The following NFIA variants were observed in gnomAD, a reference collection of about 807,000 sequenced individuals.
NFIA encodes the protein nuclear factor 1 A-type.
Under a neutral mutation model 62.8 loss-of-function variants are expected in NFIA, and 8 were observed. That is an observed-to-expected ratio of 0.13 (90% CI 0.07 to 0.23). The LOEUF is 0.23. NFIA is among the 10% of genes least tolerant of loss of function. The pLI is 1.00. For synonymous variants in NFIA, 235 were observed against 238.1 expected, an observed-to-expected ratio of 0.99 and a Z score of 0.12; for missense variants, 410 against 642.1, an observed-to-expected ratio of 0.64 and a Z score of 3.91.
chr1:61,403,495 A>G (rs1218120425), intron 7 of NFIA, among the ~76,000 whole-genome samples: 2 of 152,212 alleles, frequency 1.3e-5, no homozygotes, highest in African/African-American at 2.4e-5. Flanking sequence ...CTGCTGTAAC[A>G]TATGTGCATT....
At chr1:61,123,006 A>G (rs1570205216) in intron 2 of NFIA, among the ~76,000 whole-genome samples, 1 of 152,210 alleles carries the variant, frequency 6.6e-6, no homozygotes, top group Non-Finnish European at 1.5e-5. Flanking sequence ...GGATTCTTCT[A>G]GAGAGATTCC....
chr1:61,119,875 C>G (rs1469774787), intron 2 of NFIA, among the ~76,000 whole-genome samples: 3 of 152,134 alleles, frequency 2.0e-5, no homozygotes, highest in African/African-American at 7.2e-5. Flanking sequence ...ACAGCCTTGC[C>G]TCTGTATGCC....
intron 2 of NFIA, among the ~76,000 whole-genome samples, chr1:61,159,381 C>A (rs1421071283): frequency 6.6e-6 from 1 of 152,092 alleles, no homozygotes; most frequent in Admixed American, 6.5e-5. Flanking sequence ...TTTCAAACTT[C>A]AATGTGCATA....
intron 3 of NFIA, among the ~76,000 whole-genome samples, chr1:61,315,161 G>A (rs943865612): frequency 6.6e-6 from 1 of 152,200 alleles, no homozygotes; most frequent in African/African-American, 2.4e-5. Context: ...AGAGCAGAAT[G>A]CTATTGGCTT....
At chr1:61,256,045 T>C (rs1174405430) in intron 2 of NFIA, among the ~76,000 whole-genome samples, 3 of 152,146 alleles carry the variant, frequency 2.0e-5, no homozygotes, top group Admixed American at 1.3e-4. Context: ...CTCGACCACA[T>C]TGGAAGAAGA....
intron 2 of NFIA, among the ~76,000 whole-genome samples, chr1:61,258,413 T>C (rs1280492098): frequency 6.6e-6 from 1 of 152,208 alleles, no homozygotes. Context: ...AAGGACTTTT[T>C]CATATTGTAT....
chr1:61,404,042 G>A (rs750484163), intron 7 of NFIA, 62 bp from the exon 8 acceptor site: 43 of 1,550,192 alleles, frequency 2.8e-5, no homozygotes, highest in Middle Eastern at 3.6e-4. Context: ...AAGTTGAATC[G>A]GGTTCAGCTA....
chr1:61,304,233 G>A (rs140060027), intron 3 of NFIA, among the ~76,000 whole-genome samples: 3 of 151,664 alleles, frequency 2.0e-5, no homozygotes, highest in African/African-American at 7.3e-5. Flanking sequence ...CCAAGATCAC[G>A]CCACTGCACT....
intron 2 of NFIA, among the ~76,000 whole-genome samples, chr1:61,266,050 T>G (rs1270149094): frequency 6.6e-6 from 1 of 152,236 alleles, no homozygotes; most frequent in African/African-American, 2.4e-5. Flanking sequence ...ACAGCTCAAT[T>G]GCTAGTGATG....
intron 2 of NFIA, among the ~76,000 whole-genome samples, chr1:61,252,282 A>G (rs780613744): frequency 1.3e-4 from 20 of 152,212 alleles, no homozygotes; most frequent in Non-Finnish European, 2.6e-4. Context: ...ACAGTTACCT[A>G]CTACCACATC....
rs770155557 is a variant in NFIA at position 61,383,315 on chromosome 1, T to G, written c.1025T>G (p.Leu342Arg). Residue 342 changes from leucine to arginine, a missense_variant, in exon 7 of 11, where the codon CTG becomes CGG. Leu to Arg is a moderately radical substitution (Grantham distance 102). Around this residue, in one of 3 missense-constraint regions of NFIA, gnomAD observed 298 missense variants for 438.1 expected, o/e 0.68. Coordinates refer to ENST00000403491, the MANE Select transcript of NFIA (RefSeq NM_001134673.4). ...SSPSPSQTSS[L>R]GTAFTQHHRP... ...CCCTCCCCTTCACAGACCTCCTCCC[T>G]GGGAACGGCGTTCACACAGCATCAC... is the stretch of plus-strand genomic sequence containing the variant. 6.2e-7 allele frequency: 1 copy of G among 1,613,962 alleles called. No homozygotes were observed. The highest frequency in any genetic ancestry group is 8.5e-7 in the Non-Finnish European group (1 of 1,179,894).
intron 2 of NFIA, among the ~76,000 whole-genome samples, chr1:61,204,835 A>G (rs1652789183): frequency 6.6e-6 from 1 of 152,106 alleles, no homozygotes; most frequent in South Asian, 2.1e-4. Context: ...TTTCTGACAT[A>G]TGCTGAGTGA....
intron 2 of NFIA, among the ~76,000 whole-genome samples, chr1:61,265,066 A>G (rs1406766014): frequency 6.6e-6 from 1 of 152,200 alleles, no homozygotes; most frequent in Non-Finnish European, 1.5e-5. Flanking sequence ...GGATGTTTGC[A>G]GTTTTCCCAT....
intron 3 of NFIA, among the ~76,000 whole-genome samples, chr1:61,310,014 A>G (rs1660013572): frequency 6.6e-6 from 1 of 152,260 alleles, no homozygotes; most frequent in Non-Finnish European, 1.5e-5. Context: ...GTCTGTTTTT[A>G]AAGCCATTTG....
At chr1:61,206,518 C>T (rs551896823) in intron 2 of NFIA, among the ~76,000 whole-genome samples, 13 of 152,288 alleles carry the variant, frequency 8.5e-5, no homozygotes, top group Admixed American at 2.0e-4. Flanking sequence ...AGCATTTTAT[C>T]TCTTTTGGAT....
chr1:61,126,318 C>T (rs1468768579), intron 2 of NFIA, among the ~76,000 whole-genome samples: 3 of 152,072 alleles, frequency 2.0e-5, no homozygotes, highest in Admixed American at 6.5e-5. Context: ...GGTCCTGATT[C>T]GGCCTCAGGA....
chr1:61,217,493 C>T (rs145025643), intron 2 of NFIA, among the ~76,000 whole-genome samples: 157 of 152,148 alleles, frequency 1.0e-3, no homozygotes, highest in African/African-American at 3.7e-3. Flanking sequence ...CTTTTTTCTC[C>T]TTAGCATTCC....
chr1:61,325,092 A>G (rs1283451348), intron 3 of NFIA, among the ~76,000 whole-genome samples: 1 of 152,226 alleles, frequency 6.6e-6, no homozygotes, highest in Non-Finnish European at 1.5e-5. Context: ...TTTTTATCTG[A>G]GACATACTTA....
Position 61,415,287 on chromosome 1 carries a change from T to A in NFIA, c.1420+8560T>A, listed in dbSNP as rs532018379. 2.6e-3 allele frequency among the ~76,000 whole-genome samples: 398 copies of A among 152,074 alleles called. 3 individuals are homozygous for A. The highest frequency in any genetic ancestry group is 0.01 in the Middle Eastern group (3 of 294). ...ATAGCACAAGAAAATACAGGGCAAA[T>A]TTTTATACTATTGGAGTAAAGAAGG... On this transcript the variant is annotated intron_variant, in intron 9 of 10. Coordinates refer to ENST00000403491, the MANE Select transcript of NFIA (RefSeq NM_001134673.4).
Sources: allele counts gnomAD v4.1 joint callset (sites outside exome capture counted in the v4.1 genomes callset), GRCh38; gene constraint gnomAD v4.1.1; regional missense constraint gnomAD v4.1.1; transcripts MANE v1.5; gene names NCBI Gene and HGNC (gene_info 2026-07-23, HGNC 2026-07-21).